The following SDK1 variants were observed in gnomAD, a reference collection of about 807,000 sequenced individuals.
The protein encoded by SDK1 is protein sidekick-1.
Under a neutral mutation model 245.5 loss-of-function variants are expected in SDK1, and 157 were observed. That is an observed-to-expected ratio of 0.64 (90% CI 0.56 to 0.73). SDK1 has a LOEUF of 0.73. Among genes scored for constraint, SDK1 ranks in the 30% least tolerant of loss-of-function variants. The probability of loss-of-function intolerance (pLI) is 0.00; values close to 1 mark genes in which losing one functional copy is unlikely to be tolerated. For synonymous variants in SDK1, 1,647 were observed against 1,278.5 expected (o/e 1.29, Z -6.15); for missense variants, 3,583 against 3,002.3 (o/e 1.19, Z -4.52).
chr7:3,838,372 A>G (rs1313200080), intron 5 of SDK1, among the ~76,000 whole-genome samples: 1 of 152,234 alleles, frequency 6.6e-6, no homozygotes, highest in Non-Finnish European at 1.5e-5. Context: ...ACCCAGACAC[A>G]TCAGTGGGAA....
At chr7:4,046,395 C>T (rs1007245413) in intron 17 of SDK1, among the ~76,000 whole-genome samples, 1 of 152,110 alleles carries the variant, frequency 6.6e-6, no homozygotes, top group African/African-American at 2.4e-5. Flanking sequence ...TTCCCTAACC[C>T]AGTGTCATAA....
At chr7:4,135,230 G>A (rs975924535) in intron 28 of SDK1, among the ~76,000 whole-genome samples, 2 of 152,150 alleles carry the variant, frequency 1.3e-5, no homozygotes, top group Non-Finnish European at 2.9e-5. Flanking sequence ...GCCAGATTTG[G>A]CACCATAAGT....
rs192397197 is a variant in SDK1, at chr7:4,198,968, C to G, written c.5099-6911C>G. 4.3e-3 allele frequency among the ~76,000 whole-genome samples: 653 copies of G among 152,158 alleles called. 2 individuals carry two copies. Among genetic ancestry groups the G allele is most frequent in the African/African-American group, 0.015 (641 of 41,520 alleles). On this transcript the variant is annotated intron_variant, in intron 35 of 44. Coordinates refer to ENST00000404826, the MANE Select transcript of SDK1 (RefSeq NM_152744.4). Reference sequence around the variant, plus strand: ...AGCTGAAATTACAGGCACGCACCACCACGCCTGGCTAATTTTTGTGTTTTT... The same window carrying G: ...AGCTGAAATTACAGGCACGCACCACGACGCCTGGCTAATTTTTGTGTTTTT...
At chr7:3,738,965 T>G (rs1779399095) in intron 4 of SDK1, among the ~76,000 whole-genome samples, 1 of 147,902 alleles carries the variant, frequency 6.8e-6, no homozygotes, top group Admixed American at 6.7e-5. Context: ...ATTTTTGTTT[T>G]TTTGTTTTTT....
At chr7:3,686,705 G>A (rs1784293590) in intron 4 of SDK1, among the ~76,000 whole-genome samples, 1 of 152,228 alleles carries the variant, frequency 6.6e-6, no homozygotes, top group African/African-American at 2.4e-5. Context: ...TGACAGCTCT[G>A]AAGGAGAAGG....
chr7:3,758,592 C>G (rs1780004213), intron 4 of SDK1, among the ~76,000 whole-genome samples: 1 of 152,102 alleles, frequency 6.6e-6, no homozygotes, highest in South Asian at 2.1e-4. Context: ...TCCAGTTGGC[C>G]ACTGTGTTTG....
intron 19 of SDK1, 80 bp from the exon 20 acceptor site, chr7:4,067,758 G>C: frequency 2.9e-6 from 3 of 1,030,452 alleles, no homozygotes; most frequent in Non-Finnish European, 4.4e-6. Context: ...TCCTTCCATA[G>C]TTAGAACCTT....
At chr7:4,194,407 C>CACATATGTGTATACATGTATACGTATAT (rs1783456272) in intron 35 of SDK1, among the ~76,000 whole-genome samples, 8 of 112,254 alleles carry the variant, frequency 7.1e-5, no homozygotes, top group African/African-American at 1.2e-4. Context: ...TATATGTATG[C>CACATATGTGTATACATGTATACGTATAT]ACATATGTGT....
chr7:4,103,812 G>A (rs939080996), intron 22 of SDK1, among the ~76,000 whole-genome samples: 18 of 152,330 alleles, frequency 1.2e-4, no homozygotes, highest in African/African-American at 3.8e-4. Context: ...AGTCAGTGCC[G>A]TGGGGGTGGT....
intron 1 of SDK1, among the ~76,000 whole-genome samples, chr7:3,391,693 G>C (rs952569310): frequency 2.8e-5 from 4 of 145,350 alleles, no homozygotes; most frequent in Non-Finnish European, 5.9e-5. Context: ...TTAGAGTGCA[G>C]TGGCATGATC....
In SDK1 at chr7:3,342,761, T is replaced by C. The variant is rs115617732; in HGVS notation, c.298+40877T>C. Among the ~76,000 whole-genome samples, 211 of 152,236 alleles carry C rather than the reference T, an allele frequency of 1.4e-3. 4 individuals carry two copies. The highest frequency in any genetic ancestry group is 4.9e-3 in the African/African-American group (205 of 41,554). On this transcript the variant is annotated intron_variant, in intron 1 of 44. Coordinates refer to ENST00000404826, the MANE Select transcript of SDK1 (RefSeq NM_152744.4). ...GAGGATGGAAAGACAAGGTACATACTAGTAGAAAATATTTTCATCTGTCTG... is the reference window on the plus strand; with the variant it reads ...GAGGATGGAAAGACAAGGTACATACCAGTAGAAAATATTTTCATCTGTCTG...
intron 1 of SDK1, among the ~76,000 whole-genome samples, chr7:3,549,618 G>A (rs1779337780): frequency 1.3e-5 from 2 of 152,148 alleles, no homozygotes; most frequent in Non-Finnish European, 2.9e-5. Context: ...CTGGTCTCAG[G>A]GCAGAGCATG....
At chr7:4,084,675 CGTT>C (rs1781311005) in intron 22 of SDK1, among the ~76,000 whole-genome samples, 2 of 119,774 alleles carry the variant, frequency 1.7e-5, no homozygotes, top group South Asian at 2.6e-4. Context: ...TGTTATGTTA[CGTT>C]ATGTTATGTT....
At chr7:3,650,880 T>G (rs1275654462) in intron 4 of SDK1, among the ~76,000 whole-genome samples, 3 of 151,918 alleles carry the variant, frequency 2.0e-5, no homozygotes, top group Non-Finnish European at 2.9e-5. Context: ...GGTTATTGTC[T>G]GAAGCCTAGT....
At chr7:3,958,062 C>T in intron 7 of SDK1, 1 of 469,016 alleles carries the variant, frequency 2.1e-6, no homozygotes, top group Non-Finnish European at 4.4e-6. Flanking sequence ...TTTAAAGATA[C>T]AGTCAATATA....
Position 3,892,527 on chromosome 7 carries a change from C to T in SDK1, c.848-58396C>T, listed in dbSNP as rs539682531. ...CAAGGTTAATGGGGTGAGCCTGTAC[C>T]CTTCACCTCCTGGCAAGTCACGATG... is the stretch of plus-strand genomic sequence containing the variant. On this transcript the variant is annotated intron_variant, in intron 5 of 44. Coordinates refer to ENST00000404826, the MANE Select transcript of SDK1 (RefSeq NM_152744.4). Among the ~76,000 whole-genome samples the T allele has an allele frequency of 2.6e-5, 4 of 152,310 alleles. No individual in the cohort carries two copies. The South Asian group carries it at 6.2e-4, about 24-fold the overall frequency.
At chr7:4,153,188 G>A (rs553780553) in intron 30 of SDK1, among the ~76,000 whole-genome samples, 1 of 151,850 alleles carries the variant, frequency 6.6e-6, no homozygotes, top group Non-Finnish European at 1.5e-5. Context: ...AAACAGCAGG[G>A]ATTCAACGAA....
intron 4 of SDK1, among the ~76,000 whole-genome samples, chr7:3,696,609 T>C (rs1784580300): frequency 6.7e-6 from 1 of 149,614 alleles, no homozygotes; most frequent in South Asian, 2.1e-4. Context: ...TGTTGTTACC[T>C]ACATTTAAGG....
intron 5 of SDK1, among the ~76,000 whole-genome samples, chr7:3,847,112 C>G (rs1344819193): frequency 6.6e-6 from 1 of 151,932 alleles, no homozygotes; most frequent in Non-Finnish European, 1.5e-5. Context: ...TGCAATGCCT[C>G]CAGCTCTTCT....
Sources: allele counts gnomAD v4.1 joint callset (sites outside exome capture counted in the v4.1 genomes callset), GRCh38; gene constraint gnomAD v4.1.1; transcripts MANE v1.5; gene names NCBI Gene and HGNC (gene_info 2026-07-23, HGNC 2026-07-21).